The following ZNF302 variants were observed in gnomAD, a reference collection of about 807,000 sequenced individuals.
ZNF302 encodes zinc finger protein 302.
Under a neutral mutation model 10.8 loss-of-function variants are expected in ZNF302, and 12 were observed. That is an observed-to-expected ratio of 1.11 (90% confidence interval 0.71 to 1.79). The LOEUF (loss-of-function observed/expected upper bound fraction) is 1.79, where lower values mean the gene tolerates loss of function less well. Among genes scored for constraint, ZNF302 ranks in the 40% most tolerant of loss-of-function variants. The pLI is 0.00. For missense variants in ZNF302, 461 were observed against 471.1 expected, an observed-to-expected ratio of 0.98 and a Z score of 0.20; for synonymous variants, 178 against 157.5, an observed-to-expected ratio of 1.13 and a Z score of -0.98.
chr19:34,679,898 G>A (rs900843520), intron 2 of ZNF302: 1 of 703,056 alleles, frequency 1.4e-6, no homozygotes, highest in Non-Finnish European at 2.6e-6. Context: ...AATAAGATGA[G>A]TAATGAAGAA....
chr19:34,677,493 G>C (rs1221184120), upstream of ZNF302: 2 of 152,424 alleles, frequency 1.3e-5, no homozygotes, highest in South Asian at 2.1e-4. Context: ...CTAGGTCGAC[G>C]GCCCCAGGCG....
chr19:34,678,829 C>T lies in ZNF302; in HGVS notation c.9+16C>T. On this transcript the variant is annotated intron_variant, in intron 2 of 4. Coordinates refer to ENST00000505242, the MANE Select transcript of ZNF302 (RefSeq NM_001289187.2). ...AATGTCTCAGGTAAGTCGGTGTGTC[C>T]CCAAATCTTCCTGAAACACTTTATT... The T allele has an allele frequency of 6.2e-7, 1 of 1,613,680 alleles. No individual in the cohort carries two copies. Among genetic ancestry groups the T allele is most frequent in the Non-Finnish European group, 8.5e-7 (1 of 1,179,718 alleles).
chr19:34,684,191 A>AGGC, intron 4 of ZNF302, 61 bp from the exon 5 acceptor site: 3 of 1,003,238 alleles, frequency 3.0e-6, no homozygotes, highest in Non-Finnish European at 3.8e-6. Context: ...AAAAAAAAAA[A>AGGC]AAAAAAAAAA....
rs1393598865 is a variant in ZNF302 at position 34,677,753 on chromosome 19, A to C, written c.-419A>C. 6.6e-6 allele frequency: 1 copy of C among 152,016 alleles called. No homozygotes were observed. The highest frequency in any genetic ancestry group is 2.4e-5 in the African/African-American group (1 of 41,340). 9.4% of individuals were successfully genotyped at this position (152,016 alleles called of 1,614,324 possible). ...CGGTTTGGGGCAGTGTCGTTCCCGG[A>C]GGTCGGCCGCCGTTACCCGCTCACC... is the stretch of plus-strand genomic sequence containing the variant. On this transcript the variant is annotated 5_prime_UTR_variant, in exon 1 of 5. Coordinates refer to ENST00000505242, the MANE Select transcript of ZNF302 (RefSeq NM_001289187.2).
intron 3 of ZNF302, 107 bp downstream of exon 3, chr19:34,683,004 C>A (rs973293969): frequency 1.3e-6 from 2 of 1,573,590 alleles, no homozygotes; most frequent in East Asian, 4.5e-5. Flanking sequence ...ACCATGCTCC[C>A]GAGGAAATGT....
In ZNF302 at chr19:34,685,747, C is replaced by T; in HGVS notation, c.*510C>T. On this transcript the variant is annotated 3_prime_UTR_variant, in exon 5 of 5. Transcript: ENST00000505242. ...GGTGGTGAACATGGGAGACTTTTAG[C>T]AATGATGCAGATTTTTTTATTAGAG... The T allele has an allele frequency of 1.8e-6, 1 of 568,554 alleles. No homozygotes were observed. Among genetic ancestry groups the T allele is most frequent in the Non-Finnish European group, 3.2e-6 (1 of 312,870 alleles). 35.2% of individuals were successfully genotyped at this position (568,554 alleles called of 1,614,324 possible). A position where few individuals can be genotyped will look rare whatever the true frequency, so the allele number is the denominator to read the frequency against.
Position 34,685,265 on chromosome 19 carries a change from G to C in ZNF302, c.*28G>C. ...ATGCAGGAAATCCTTCAACCAGCTT[G>C]AATCACTGAATATGCATTTGAGAAA... On this transcript the variant is annotated 3_prime_UTR_variant, in exon 5 of 5. Transcript: ENST00000505242. 1.2e-6 allele frequency: 2 copies of C among 1,613,774 alleles called. No individual in the cohort carries two copies. Among genetic ancestry groups the C allele is most frequent in the Non-Finnish European group, 1.7e-6 (2 of 1,179,826 alleles).
intron 2 of ZNF302, chr19:34,681,827 C>T (rs1202685825): frequency 3.9e-5 from 6 of 152,218 alleles, no homozygotes; most frequent in Admixed American, 1.3e-4. Context: ...AGTCTTTTCA[C>T]CCAGGAGTCT....
At position 34,683,972 on chromosome 19, in the gene ZNF302, A is replaced by G. The variant is rs115046800; in HGVS notation, c.215-280A>G. The G allele has an allele frequency of 1.2e-3, 1,622 of 1,372,826 alleles. 19 individuals carry two copies. The African/African-American group carries it at 0.022, about 18-fold the overall frequency. The allele number at this position is 1,372,826 out of a possible 1,614,324, so 85.0% of individuals were successfully genotyped here. The stretch of plus-strand genomic sequence containing the variant: ...CTGATACTTTCCTTTTTTCCATACT[A>G]TTTTATCCATTTCGTACAGCTTACC... On this transcript the variant is annotated intron_variant, in intron 4 of 4. Coordinates refer to ENST00000505242, the MANE Select transcript of ZNF302 (RefSeq NM_001289187.2).
intron 2 of ZNF302, chr19:34,682,128 A>AT (rs1188716769): frequency 6.6e-6 from 1 of 152,150 alleles, no homozygotes; most frequent in East Asian, 1.9e-4. Context: ...GCCAGAACTC[A>AT]TTTTTTTAAA....
In ZNF302 at chr19:34,685,390, A is replaced by C. The variant is rs1255881277; in HGVS notation, c.*153A>C. On this transcript the variant is annotated 3_prime_UTR_variant, in exon 5 of 5. Coordinates refer to ENST00000505242, the MANE Select transcript of ZNF302 (RefSeq NM_001289187.2). The stretch of plus-strand genomic sequence containing the variant: ...ATCACAGTATTCATACTGGAGAGAA[A>C]CCTTACGAATGTATTAAATGTGGGA... The C allele has an allele frequency of 1.3e-5, 21 of 1,610,950 alleles. No individual in the cohort carries two copies. Among genetic ancestry groups the C allele is most frequent in the Non-Finnish European group, 1.4e-5 (17 of 1,177,398 alleles).
At chr19:34,681,173 T>G (rs1208248244) in intron 2 of ZNF302, 1 of 152,448 alleles carries the variant, frequency 6.6e-6, no homozygotes, top group Admixed American at 6.5e-5. Flanking sequence ...CTCTCAGAGC[T>G]AAAAAATTAC....
chr19:34,684,171 TAAAAAAAAAAAAAAAAAAAAAAAAAAA>T lies in ZNF302; in HGVS notation c.215-58_215-32del, dbSNP rs746866893. On this transcript the variant is annotated intron_variant, in intron 4 of 4. Coordinates refer to ENST00000505242, the MANE Select transcript of ZNF302 (RefSeq NM_001289187.2). Reference sequence around the variant, plus strand: ...CACTGTAGAAGCTTTTTTCAAGAAGTAAAAAAAAAAAAAAAAAAAAAAAAAAAAAAAAAAAAAAAAAAAAAAAAAGGC... The same window carrying T: ...CACTGTAGAAGCTTTTTTCAAGAAGTAAAAAAAAAAAAAAAAAAAAAAGGC... 3,683 of 877,884 alleles carry T rather than the reference TAAAAAAAAAAAAAAAAAAAAAAAAAAA, an allele frequency of 4.2e-3. 26 individuals are homozygous for T. The highest frequency in any genetic ancestry group is 4.5e-3 in the Non-Finnish European group (3,159 of 702,144). 54.4% of individuals were successfully genotyped at this position (877,884 alleles called of 1,614,324 possible).
upstream of ZNF302, chr19:34,676,873 C>T (rs2067973676): frequency 6.6e-6 from 1 of 152,076 alleles, no homozygotes; most frequent in Admixed American, 6.6e-5. Flanking sequence ...GGTCCATTGC[C>T]CTTTTGGGTG....
Position 34,685,121 on chromosome 19 carries a change from A to T in ZNF302, c.1084A>T (p.Ile362Phe). 1 of 1,612,054 alleles carries T rather than the reference A, an allele frequency of 6.2e-7. No homozygotes were observed. The highest frequency in any genetic ancestry group is 8.5e-7 in the Non-Finnish European group (1 of 1,179,422). ...CSSHLTQHQR[I>F]HSMKKKYECN... ...CTCACACCTTACTCAACATCAAAGA[A>T]TTCACAGTATGAAGAAAAAATATGA... Residue 362 changes from isoleucine to phenylalanine, a missense_variant, in exon 5 of 5, where the codon ATT becomes TTT. Ile to Phe is a conservative substitution (Grantham distance 21). Coordinates refer to ENST00000505242, the MANE Select transcript of ZNF302 (RefSeq NM_001289187.2).
Position 34,683,157 on chromosome 19 carries a change from C to T in ZNF302, c.133C>T (p.Leu45Phe). 6.2e-7 allele frequency: 1 copy of T among 1,614,060 alleles called. No individual in the cohort carries two copies. The highest frequency in any genetic ancestry group is 1.1e-5 in the South Asian group (1 of 91,078). The change falls in exon 4 of 5, where the codon CTT becomes TTT. Residue 45 changes from leucine to phenylalanine, a missense_variant and splice_region_variant. Physicochemically the swap from Leu to Phe is conservative, Grantham distance 22. Coordinates refer to ENST00000505242, the MANE Select transcript of ZNF302 (RefSeq NM_001289187.2). ...QNYENLVSVG[L>F]SVTKPYVIML... ...TTCTATATTTTTCCTGTAAGCAGGT[C>T]TTTCCGTAACTAAGCCATATGTGAT...
chr19:34,677,744 C>T lies in ZNF302; in HGVS notation c.-428C>T, dbSNP rs565646339. 5 of 152,206 alleles carry T rather than the reference C, an allele frequency of 3.3e-5. No individual in the cohort carries two copies. Among genetic ancestry groups the T allele is most frequent in the Admixed American group, 2.0e-4 (3 of 15,272 alleles). 9.4% of individuals were successfully genotyped at this position (152,206 alleles called of 1,614,324 possible). A position where few individuals can be genotyped will look rare whatever the true frequency, so the allele number is the denominator to read the frequency against. On this transcript the variant is annotated 5_prime_UTR_variant, in exon 1 of 5. Transcript: ENST00000505242. ...GCTAAGGAACGGTTTGGGGCAGTGT[C>T]GTTCCCGGAGGTCGGCCGCCGTTAC... is the stretch of plus-strand genomic sequence containing the variant.
At chr19:34,677,452 A>C (rs1271719640), upstream of ZNF302, 2 of 152,232 alleles carry the variant, frequency 1.3e-5, no homozygotes, top group Non-Finnish European at 2.9e-5. Flanking sequence ...GTGCCCCAGG[A>C]CAATTTGCGC....
At chr19:34,677,500 G>A (rs2068013238), upstream of ZNF302, 1 of 152,344 alleles carries the variant, frequency 6.6e-6, no homozygotes, top group Non-Finnish European at 1.5e-5. Flanking sequence ...GACGGCCCCA[G>A]GCGGTTAAGC....
Sources: gnomAD v4.1 joint callset for allele counts on GRCh38, gnomAD v4.1.1 for gene constraint, MANE v1.5 for transcripts, NCBI Gene and HGNC (gene_info 2026-07-23, HGNC 2026-07-21) for gene names.